Variants in NR3C2 observed in about 807,000 individuals in gnomAD.
NR3C2 encodes nuclear receptor subfamily 3 group C member 2.
NR3C2 carries 15 observed loss-of-function variants against 86.4 expected under a neutral mutation model. That is an observed-to-expected ratio of 0.17 (90% CI 0.12 to 0.27). The LOEUF is 0.27. Ranked by LOEUF, NR3C2 falls within the 10% of genes least tolerant of loss-of-function variation. The pLI, the probability that NR3C2 is intolerant of heterozygous loss-of-function variation, is 1.00. For missense variants in NR3C2, 960 were observed against 1,195.6 expected (o/e 0.80, Z 2.91); for synonymous variants, 458 against 450.5 (o/e 1.02, Z -0.21).
chr4:148,394,269 C>G (rs1421617304), intron 2 of NR3C2, among the ~76,000 whole-genome samples: 1 of 151,828 alleles, frequency 6.6e-6, no homozygotes, highest in Non-Finnish European at 1.5e-5. Flanking sequence ...GCAGAATTAC[C>G]AGCAAATAAA....
intron 2 of NR3C2, among the ~76,000 whole-genome samples, chr4:148,429,970 G>A (rs775678427): frequency 1.3e-5 from 2 of 152,124 alleles, no homozygotes; most frequent in Non-Finnish European, 2.9e-5. Context: ...GTACTACTTT[G>A]CAGAAAAACA....
chr4:148,326,069 G>C (rs6829009), intron 2 of NR3C2, among the ~76,000 whole-genome samples: 25,927 of 151,962 alleles, frequency 0.17, 2,486 homozygotes, highest in African/African-American at 0.26. Flanking sequence ...ACGCAGGTTG[G>C]GGTAAAAACT....
At chr4:148,325,358 G>A (rs1743909157) in intron 2 of NR3C2, among the ~76,000 whole-genome samples, 1 of 152,126 alleles carries the variant, frequency 6.6e-6, no homozygotes, top group Non-Finnish European at 1.5e-5. Context: ...AATAAGCAAA[G>A]TAACTAAAGT....
At chr4:148,375,164 C>A (rs183403868) in intron 2 of NR3C2, among the ~76,000 whole-genome samples, 2 of 152,176 alleles carry the variant, frequency 1.3e-5, no homozygotes, top group South Asian at 4.2e-4. Flanking sequence ...ATCAATAAAA[C>A]TGCAAAATCG....
chr4:148,330,515 A>C (rs1744177137), intron 2 of NR3C2, among the ~76,000 whole-genome samples: 2 of 131,426 alleles, frequency 1.5e-5, no homozygotes, highest in South Asian at 5.1e-4. Context: ...AGACATTAAA[A>C]TGTAGTCTTT....
chr4:148,339,918 A>C (rs549899703), intron 2 of NR3C2, among the ~76,000 whole-genome samples: 10 of 152,282 alleles, frequency 6.6e-5, no homozygotes, highest in Non-Finnish European at 1.3e-4. Flanking sequence ...TGAACAATTT[A>C]AAAAAGAAAT....
At chr4:148,094,715 CA>C (rs560353672) in intron 8 of NR3C2, among the ~76,000 whole-genome samples, 6 of 103,564 alleles carry the variant, frequency 5.8e-5, no homozygotes, top group South Asian at 3.2e-4. Flanking sequence ...AACTCCATCT[CA>C]AAAAAAAAAA....
intron 2 of NR3C2, among the ~76,000 whole-genome samples, chr4:148,374,617 G>A (rs966493379): frequency 6.6e-5 from 10 of 152,172 alleles, no homozygotes; most frequent in African/African-American, 2.4e-4. Context: ...TGGATGCTCA[G>A]ACCTCAGTAT....
chr4:148,201,795 C>A (rs369957147), intron 3 of NR3C2, among the ~76,000 whole-genome samples: 22 of 152,276 alleles, frequency 1.4e-4, no homozygotes, highest in African/African-American at 4.3e-4. Flanking sequence ...GATCCATATA[C>A]CCCCTTCAAC....
chr4:148,221,122 C>T (rs573363543), intron 3 of NR3C2, among the ~76,000 whole-genome samples: 3 of 152,362 alleles, frequency 2.0e-5, no homozygotes, highest in Admixed American at 6.5e-5. Context: ...ACCGCCTCTG[C>T]GATTATGTTT....
chr4:148,104,971 CAG>C (rs1731727525), intron 8 of NR3C2, among the ~76,000 whole-genome samples: 1 of 152,226 alleles, frequency 6.6e-6, no homozygotes, highest in South Asian at 2.1e-4. Flanking sequence ...AGATATAAGA[CAG>C]AATAAAATAT....
rs1239014695 is a variant in NR3C2, at chr4:148,125,820, C to T, written c.2511-5532G>A. Among the ~76,000 whole-genome samples, 3 of 152,046 alleles carry T rather than the reference C, an allele frequency of 2.0e-5. No homozygotes were observed. The East Asian group carries it at 5.8e-4, about 29-fold the overall frequency. On this transcript the variant is annotated intron_variant, in intron 6 of 8. Transcript: ENST00000358102. ...AAAAAGAAAAGAGAACAGTTAAAGG[C>T]TATGAAAACATACAGATTTGCATAT...
At chr4:148,318,990 T>C (rs1027597642) in intron 2 of NR3C2, among the ~76,000 whole-genome samples, 54 of 151,846 alleles carry the variant, frequency 3.6e-4, no homozygotes, top group African/African-American at 1.1e-3. Context: ...GGTTTTCTTC[T>C]AGGGTTTTTA....
chr4:148,188,503 G>A (rs1237981492), intron 4 of NR3C2, among the ~76,000 whole-genome samples: 1 of 152,112 alleles, frequency 6.6e-6, no homozygotes, highest in Non-Finnish European at 1.5e-5. Context: ...TATTGTAAAA[G>A]GGGATAAGTT....
chr4:148,444,589 G>A (rs569263329), upstream of NR3C2: 238 of 988,336 alleles, frequency 2.4e-4, 1 homozygote, highest in African/African-American at 2.3e-3. Flanking sequence ...TCCCGCCGCC[G>A]CTGCTGCCGC....
chr4:148,215,236 A>G (rs1033294790), intron 3 of NR3C2, among the ~76,000 whole-genome samples: 1 of 152,258 alleles, frequency 6.6e-6, no homozygotes, highest in African/African-American at 2.4e-5. Context: ...CTTGGGATTC[A>G]CAGCTAGATG....
At chr4:148,244,705 T>A (rs1383128841) in intron 3 of NR3C2, among the ~76,000 whole-genome samples, 4 of 152,222 alleles carry the variant, frequency 2.6e-5, no homozygotes, top group African/African-American at 9.6e-5. Flanking sequence ...AGTATTTTTT[T>A]AAAATCAATT....
intron 3 of NR3C2, among the ~76,000 whole-genome samples, chr4:148,248,998 C>T (rs1452825966): frequency 6.6e-6 from 1 of 152,142 alleles, no homozygotes; most frequent in African/African-American, 2.4e-5. Flanking sequence ...AGGAAACAGA[C>T]TTATTTGCTG....
intron 3 of NR3C2, among the ~76,000 whole-genome samples, chr4:148,230,791 A>C (rs1018305581): frequency 6.6e-6 from 1 of 152,226 alleles, no homozygotes; most frequent in Non-Finnish European, 1.5e-5. Flanking sequence ...TTTCACACAC[A>C]AAACAGGAGA....
Sources: gnomAD v4.1 joint callset for allele counts (sites outside exome capture counted in the v4.1 genomes callset) on GRCh38, gnomAD v4.1.1 for gene constraint, MANE v1.5 for transcripts, NCBI Gene and HGNC (gene_info 2026-07-23, HGNC 2026-07-21) for gene names.